Variants in KCNN3 observed in about 807,000 individuals in gnomAD.
KCNN3 encodes the protein potassium calcium-activated channel subfamily N member 3, also known as small conductance calcium-activated potassium channel protein 3.
A neutral mutation model predicts 62.9 loss-of-function variants in KCNN3; 16 were observed. That is an observed-to-expected ratio of 0.25 (90% CI 0.17 to 0.39). The LOEUF is 0.39. KCNN3 is among the 10% of genes least tolerant of loss of function. The probability of loss-of-function intolerance (pLI) is 1.00; values close to 1 mark genes in which losing one functional copy is unlikely to be tolerated. For missense variants in KCNN3, 599 were observed against 949.4 expected, an observed-to-expected ratio of 0.63 and a Z score of 4.85; for synonymous variants, 370 against 389.2, an observed-to-expected ratio of 0.95 and a Z score of 0.58.
At chr1:154,755,504 G>GAAGAAAGAAAGAAAGAAAGA (rs142240424) in intron 3 of KCNN3, among the ~76,000 whole-genome samples, 14 of 109,794 alleles carry the variant, frequency 1.3e-4, no homozygotes, top group African/African-American at 4.6e-4. Context: ...AGAAAGAAAG[G>GAAGAAAGAAAGAAAGAAAGA]AAGAAAGAAA....
chr1:154,750,292 G>T (rs1386666413), intron 3 of KCNN3, among the ~76,000 whole-genome samples: 1 of 152,252 alleles, frequency 6.6e-6, no homozygotes, highest in East Asian at 1.9e-4. Flanking sequence ...CAGGCCTGGT[G>T]CTCAGGCCAA....
chr1:154,751,955 C>T (rs776394490), intron 3 of KCNN3, among the ~76,000 whole-genome samples: 11 of 152,104 alleles, frequency 7.2e-5, no homozygotes, highest in Non-Finnish European at 1.5e-4. Flanking sequence ...AATGAAAGAG[C>T]CCAGACAGTT....
intron 1 of KCNN3, among the ~76,000 whole-genome samples, chr1:154,836,886 C>T (rs1477936026): frequency 6.6e-6 from 1 of 152,164 alleles, no homozygotes; most frequent in Non-Finnish European, 1.5e-5. Context: ...ACTTGGCACA[C>T]AGTAGGCACT....
chr1:154,757,290 C>T (rs1239148848), intron 3 of KCNN3, among the ~76,000 whole-genome samples: 1 of 152,222 alleles, frequency 6.6e-6, no homozygotes, highest in Non-Finnish European at 1.5e-5. Flanking sequence ...GCCCTCAACT[C>T]CCTTGCTAAA....
intron 2 of KCNN3, among the ~76,000 whole-genome samples, chr1:154,819,583 C>T (rs1424176804): frequency 6.6e-6 from 1 of 152,190 alleles, no homozygotes; most frequent in African/African-American, 2.4e-5. Flanking sequence ...CAAACTGTTC[C>T]CATTTCCCTC....
chr1:154,799,822 G>A (rs2101872356), intron 2 of KCNN3, among the ~76,000 whole-genome samples: 2 of 152,346 alleles, frequency 1.3e-5, no homozygotes, highest in East Asian at 3.9e-4. Context: ...TGGGACCCAG[G>A]AAAGGTCACT....
intron 3 of KCNN3, among the ~76,000 whole-genome samples, chr1:154,766,041 T>A (rs993476269): frequency 2.0e-5 from 3 of 151,954 alleles, no homozygotes; most frequent in African/African-American, 7.3e-5. Context: ...ATGCTGCAGG[T>A]TTTTCTCAAA....
chr1:154,729,811 C>T (rs574856578), intron 4 of KCNN3, among the ~76,000 whole-genome samples: 13 of 152,274 alleles, frequency 8.5e-5, no homozygotes, highest in South Asian at 2.1e-4. Context: ...TGCCTCCTCC[C>T]GAAATGACTC....
At chr1:154,736,506 C>T (rs1348705618) in intron 3 of KCNN3, among the ~76,000 whole-genome samples, 1 of 152,212 alleles carries the variant, frequency 6.6e-6, no homozygotes, top group Non-Finnish European at 1.5e-5. Flanking sequence ...GAAAGACTGA[C>T]TAAAGGGGTC....
intron 1 of KCNN3, among the ~76,000 whole-genome samples, chr1:154,851,701 A>T (rs1045791077): frequency 6.6e-6 from 1 of 152,006 alleles, no homozygotes; most frequent in Non-Finnish European, 1.5e-5. Flanking sequence ...TACCAACTCA[A>T]TGCTACCACC....
intron 2 of KCNN3, among the ~76,000 whole-genome samples, chr1:154,784,676 G>C (rs1206402801): frequency 2.6e-5 from 4 of 152,246 alleles, no homozygotes; most frequent in African/African-American, 9.6e-5. Context: ...CCCGTTTCAG[G>C]GGGCGGAGGG....
Position 154,706,623 on chromosome 1 carries a change from A to T in KCNN3, c.*1353T>A, listed in dbSNP as rs1259295254. The T allele has an allele frequency of 6.6e-6, 1 of 152,208 alleles. No individual in the cohort carries two copies. Among genetic ancestry groups the T allele is most frequent in the South Asian group, 2.1e-4 (1 of 4,834 alleles). 9.4% of individuals were successfully genotyped at this position (152,208 alleles called of 1,614,324 possible). ...GGCACAGTAGGAACAGGCTACTGAC[A>T]AATCCATGTCCACTTACCTTACCCA... is the stretch of plus-strand genomic sequence containing the variant. On this transcript the variant is annotated 3_prime_UTR_variant, in exon 8 of 8. Transcript: ENST00000271915.
chr1:154,833,974 C>T (rs1308044362), intron 1 of KCNN3, among the ~76,000 whole-genome samples: 9 of 152,192 alleles, frequency 5.9e-5, no homozygotes, highest in Admixed American at 2.0e-4. Context: ...CATCTCAGTG[C>T]GGCATAAGAA....
rs1255419857 is a variant in KCNN3, at chr1:154,705,710, C to A, written c.*2266G>T. 1.3e-5 allele frequency: 2 copies of A among 152,292 alleles called. No individual in the cohort carries two copies. Among genetic ancestry groups the A allele is most frequent in the East Asian group, 3.9e-4 (2 of 5,182 alleles). The allele number at this position is 152,292 out of a possible 1,614,324, so 9.4% of individuals were successfully genotyped here. ...AATTAAGACTAAATCTCTATATGTG[C>A]ACACACCCACACTCACACCCACACG... On this transcript the variant is annotated 3_prime_UTR_variant, in exon 8 of 8. Coordinates refer to ENST00000271915, the MANE Select transcript of KCNN3 (RefSeq NM_002249.6).
intron 3 of KCNN3, among the ~76,000 whole-genome samples, chr1:154,769,620 C>T (rs377108959): frequency 3.9e-5 from 6 of 152,216 alleles, no homozygotes; most frequent in South Asian, 4.1e-4. Flanking sequence ...CAATAAACTA[C>T]GAAACTCACT....
intron 2 of KCNN3, among the ~76,000 whole-genome samples, chr1:154,774,484 T>C (rs6666341): frequency 0.023 from 3,552 of 152,228 alleles, 129 homozygotes; most frequent in African/African-American, 0.08. Context: ...TAAAGTCTCA[T>C]CCAGCTCCGA....
chr1:154,745,703 TAAA>T (rs1700923574), intron 3 of KCNN3, among the ~76,000 whole-genome samples: 1 of 152,212 alleles, frequency 6.6e-6, no homozygotes, highest in Non-Finnish European at 1.5e-5. Flanking sequence ...TCTTTGAAAT[TAAA>T]AACCAGATGG....
intron 7 of KCNN3, among the ~76,000 whole-genome samples, chr1:154,712,026 G>GACAGGGAAAGGGAGAGGAAGAGAGAT (rs1700088088): frequency 6.6e-6 from 1 of 151,852 alleles, no homozygotes; most frequent in African/African-American, 2.4e-5. Context: ...GGAAGAGAGA[G>GACAGGGAAAGGGAGAGGAAGAGAGAT]ACAGGGAAAG....
intron 2 of KCNN3, among the ~76,000 whole-genome samples, chr1:154,821,455 C>T (rs994488458): frequency 2.0e-5 from 3 of 152,194 alleles, no homozygotes; most frequent in African/African-American, 2.4e-5. Context: ...GTTGAACCAT[C>T]CTCCCTATGT....
Sources: gnomAD v4.1 joint callset for allele counts (sites outside exome capture counted in the v4.1 genomes callset) on GRCh38, gnomAD v4.1.1 for gene constraint, MANE v1.5 for transcripts, NCBI Gene and HGNC (gene_info 2026-07-23, HGNC 2026-07-21) for gene names.